The following PIAS1 variants were observed in gnomAD, a reference collection of about 807,000 sequenced individuals.
PIAS1 encodes the protein E3 SUMO-protein ligase PIAS1.
In PIAS1, 6 loss-of-function variants were observed where a neutral mutation model predicts 71.3. The observed-to-expected ratio is 0.08, with a 90% CI of 0.05 to 0.17. The LOEUF is 0.17. Among genes scored for constraint, PIAS1 ranks in the 10% least tolerant of loss-of-function variants. PIAS1 has a pLI of 1.00. For synonymous variants in PIAS1, 303 were observed against 292.9 expected (o/e 1.03, Z -0.35); for missense variants, 555 against 793.6 (o/e 0.70, Z 3.61).
chr15:68,187,035 A>T lies in PIAS1; in HGVS notation c.1663-507A>T, dbSNP rs1011964857. Among the ~76,000 whole-genome samples the T allele has an allele frequency of 3.3e-5, 5 of 152,278 alleles. No homozygotes were observed. The highest frequency in any genetic ancestry group is 1.2e-4 in the African/African-American group (5 of 41,470). ...TAAATTTCCTTGGAAAACTTAGAGTAATCATACCCATTATCATTATGGCTT... is the reference window on the plus strand; with the variant it reads ...TAAATTTCCTTGGAAAACTTAGAGTTATCATACCCATTATCATTATGGCTT... On this transcript the variant is annotated intron_variant, in intron 13 of 13. Coordinates refer to ENST00000249636, the MANE Select transcript of PIAS1 (RefSeq NM_016166.3). This position sits in a 1 kb window ranked among gnomAD's most constrained non-coding sequence, Gnocchi z 5.3.
At chr15:68,099,996 TA>T (rs138691128) in intron 2 of PIAS1, among the ~76,000 whole-genome samples, 5,996 of 152,118 alleles carry the variant, frequency 0.039, 133 homozygotes, top group African/African-American at 0.056. Flanking sequence ...GTTTTTATAT[TA>T]TTGACTTTTG....
chr15:68,121,118 T>C (rs1438094600), intron 2 of PIAS1, among the ~76,000 whole-genome samples: 4 of 152,222 alleles, frequency 2.6e-5, no homozygotes, highest in Non-Finnish European at 5.9e-5. Context: ...TCCTATTCCT[T>C]GAAGGACTTT....
At chr15:68,075,693 T>C (rs1362018352) in intron 1 of PIAS1, among the ~76,000 whole-genome samples, 2 of 152,174 alleles carry the variant, frequency 1.3e-5, no homozygotes, top group African/African-American at 4.8e-5. Flanking sequence ...AGGCAAGCTG[T>C]CATTGCAAGA....
chr15:68,160,738 A>G (rs532171789), intron 7 of PIAS1, among the ~76,000 whole-genome samples: 2 of 152,328 alleles, frequency 1.3e-5, no homozygotes, highest in Admixed American at 1.3e-4. Flanking sequence ...CAGAAAAAGC[A>G]CTTGGCCAAA....
chr15:68,080,829 A>G (rs2092222170), intron 1 of PIAS1, among the ~76,000 whole-genome samples: 2 of 152,232 alleles, frequency 1.3e-5, no homozygotes, highest in African/African-American at 4.8e-5. Flanking sequence ...CTGGTTTACA[A>G]TTCGTTATAA....
intron 2 of PIAS1, among the ~76,000 whole-genome samples, chr15:68,096,541 A>G (rs1316825718): frequency 6.6e-6 from 1 of 151,830 alleles, no homozygotes; most frequent in Non-Finnish European, 1.5e-5. Flanking sequence ...TTTAAACAAT[A>G]TTGTTTTTGA....
intron 2 of PIAS1, among the ~76,000 whole-genome samples, chr15:68,117,191 A>G (rs758199180): frequency 2.0e-5 from 3 of 151,840 alleles, no homozygotes; most frequent in Non-Finnish European, 2.9e-5. Context: ...GGGTTCAAGT[A>G]TTTCTCCTCC....
intron 6 of PIAS1, among the ~76,000 whole-genome samples, chr15:68,150,071 T>C (rs1462674803): frequency 6.6e-6 from 1 of 152,074 alleles, no homozygotes; most frequent in African/African-American, 2.4e-5. Context: ...TCTCTCAGGG[T>C]TATATTTTTT....
At chr15:68,154,192 G>A (rs1006003767) in intron 7 of PIAS1, among the ~76,000 whole-genome samples, 8 of 152,250 alleles carry the variant, frequency 5.3e-5, no homozygotes, top group Admixed American at 2.6e-4. Flanking sequence ...AGTTTATGCC[G>A]TCTGATTTCT....
In PIAS1 at chr15:68,115,949, G is replaced by A. The variant is rs569690307; in HGVS notation, c.470-25997G>A. On this transcript the variant is annotated intron_variant, in intron 2 of 13. Transcript: ENST00000249636. ...TATTTGCTAAAGTTTTATTAAGAGTGTTTGCATTTATGTTCATGACAGGTA... is the reference window on the plus strand; with the variant it reads ...TATTTGCTAAAGTTTTATTAAGAGTATTTGCATTTATGTTCATGACAGGTA... Among the ~76,000 whole-genome samples the A allele has an allele frequency of 5.3e-5, 8 of 152,120 alleles. No homozygotes were observed. In the South Asian group the frequency reaches 1.7e-3, roughly 32 times the overall value.
chr15:68,088,371 A>G (rs547001136), intron 2 of PIAS1, among the ~76,000 whole-genome samples: 1 of 151,922 alleles, frequency 6.6e-6, no homozygotes, highest in African/African-American at 2.4e-5. Flanking sequence ...CAGTGATTAT[A>G]TATTCGCAAA....
intron 2 of PIAS1, among the ~76,000 whole-genome samples, chr15:68,108,023 A>G (rs991841834): frequency 2.6e-5 from 4 of 152,228 alleles, no homozygotes; most frequent in African/African-American, 4.8e-5. Flanking sequence ...GCATAAGCAT[A>G]AAAGCTAATC....
At chr15:68,092,951 A>G (rs1230510654) in intron 2 of PIAS1, among the ~76,000 whole-genome samples, 1 of 152,222 alleles carries the variant, frequency 6.6e-6, no homozygotes, top group Non-Finnish European at 1.5e-5. Flanking sequence ...ACCAGTAGTG[A>G]ATTGATAAAA....
intron 8 of PIAS1, among the ~76,000 whole-genome samples, chr15:68,166,657 T>C (rs768829718): frequency 6.6e-6 from 1 of 152,242 alleles, no homozygotes; most frequent in South Asian, 2.1e-4. Flanking sequence ...TGTACTAATA[T>C]ATATGATGCT....
intron 7 of PIAS1, among the ~76,000 whole-genome samples, chr15:68,159,203 A>G (rs550229304): frequency 3.4e-4 from 52 of 152,334 alleles, no homozygotes; most frequent in Admixed American, 6.5e-4. Context: ...TGATTACTGC[A>G]GGACAAATAT....
At chr15:68,072,320 A>G (rs2092106078) in intron 1 of PIAS1, among the ~76,000 whole-genome samples, 1 of 148,608 alleles carries the variant, frequency 6.7e-6, no homozygotes, top group South Asian at 2.2e-4. Flanking sequence ...GAATGGCGTG[A>G]ACCCAGGAGG....
At chr15:68,164,695 T>C in intron 7 of PIAS1, 36 bp from the exon 8 acceptor site, 1 of 1,222,794 alleles carries the variant, frequency 8.2e-7, no homozygotes, top group Non-Finnish European at 1.2e-6. Flanking sequence ...AATAAAACTC[T>C]GTTTGCTTTT....
At chr15:68,169,700 A>G (rs1695354269) in intron 8 of PIAS1, among the ~76,000 whole-genome samples, 1 of 152,210 alleles carries the variant, frequency 6.6e-6, no homozygotes, top group African/African-American at 2.4e-5. Flanking sequence ...AAGAATGACT[A>G]CTAAGCTGAG....
intron 1 of PIAS1, among the ~76,000 whole-genome samples, chr15:68,073,282 G>A (rs1221739333): frequency 1.3e-5 from 2 of 152,198 alleles, no homozygotes; most frequent in African/African-American, 4.8e-5. Flanking sequence ...CTCCCGAAGT[G>A]CTGGGATTAC....
Sources: gnomAD v4.1 joint callset for allele counts (sites outside exome capture counted in the v4.1 genomes callset) on GRCh38, gnomAD v4.1.1 for gene constraint, Gnocchi (gnomAD v3.1) non-coding constraint, MANE v1.5 for transcripts, NCBI Gene and HGNC (gene_info 2026-07-23, HGNC 2026-07-21) for gene names.